The following CCDC180 variants were observed in gnomAD, a reference collection of about 807,000 sequenced individuals.
The protein encoded by CCDC180 is coiled-coil domain-containing protein 180.
Under a neutral mutation model 209.2 loss-of-function variants are expected in CCDC180, and 154 were observed. That is an observed-to-expected ratio of 0.74 (90% confidence interval 0.65 to 0.84). The LOEUF (loss-of-function observed/expected upper bound fraction) is 0.84, where lower values mean the gene tolerates loss of function less well. Among genes scored for constraint, CCDC180 ranks in the 40% least tolerant of loss-of-function variants. The probability of loss-of-function intolerance (pLI) is 0.00; values close to 1 mark genes in which losing one functional copy is unlikely to be tolerated. For synonymous variants in CCDC180, 778 were observed against 749.1 expected (o/e 1.04, Z -0.63); for missense variants, 1,874 against 1,997.3 (o/e 0.94, Z 1.18).
At chr9:97,361,461 C>T (rs1186517109) in intron 26 of CCDC180, among the ~76,000 whole-genome samples, 2 of 152,220 alleles carry the variant, frequency 1.3e-5, no homozygotes, top group Non-Finnish European at 2.9e-5. Context: ...CTCTTGGCCC[C>T]TGTGTTCCTA....
intron 16 of CCDC180, 128 bp downstream of exon 16, chr9:97,328,274 A>G: frequency 9.4e-7 from 1 of 1,061,224 alleles, no homozygotes; most frequent in East Asian, 2.6e-5. Flanking sequence ...CAATGCAAGA[A>G]GAAAGAAGCT....
At chr9:97,371,259 C>T (rs1047306430) in intron 33 of CCDC180, 4 of 180,850 alleles carry the variant, frequency 2.2e-5, no homozygotes, top group Admixed American at 5.7e-5. Context: ...CCACCGCGCC[C>T]GGCCTAACTT....
rs1329701172 is a variant in CCDC180 at position 97,354,938 on chromosome 9, C to T, written c.3194C>T (p.Ser1065Phe). The change falls in exon 24 of 37, where the codon TCT (serine) becomes TTT (phenylalanine). Residue 1065 changes from serine to phenylalanine, a missense_variant. Transcript: ENST00000529487. ...TTTGAAAGCAAATTCCATAACCTGT[C>T]TGTGGACCTTATTTTCATAGAGAAA... ...NKFESKFHNL[S>F]VDLIFIEKIQ... 3.1e-6 allele frequency: 5 copies of T among 1,614,186 alleles called. No homozygotes were observed.
At position 97,312,180 on chromosome 9, in the gene CCDC180, C is replaced by G. The variant is rs770803736; in HGVS notation, c.328C>G (p.Arg110Gly). ...SENTIAAREV[R>G]GLMDTIVPEK... Reference sequence around the variant, plus strand: ...GAACACCATCGCTGCCCGAGAAGTGCGGGGTCTCATGGATACTATAGGTGA... The same window carrying G: ...GAACACCATCGCTGCCCGAGAAGTGGGGGGTCTCATGGATACTATAGGTGA... The change falls in exon 4 of 37, where the codon CGG (arginine) becomes GGG (glycine). Residue 110 changes from arginine (R) to glycine (G), a missense_variant. Transcript: ENST00000529487. The G allele has an allele frequency of 6.2e-7, 1 of 1,613,840 alleles. No homozygotes were observed. Among genetic ancestry groups the G allele is most frequent in the Non-Finnish European group, 8.5e-7 (1 of 1,179,916 alleles).
Position 97,343,479 on chromosome 9 carries a change from C to A in CCDC180, c.2414C>A (p.Ala805Asp). The change falls in exon 19 of 37, where the codon GCC becomes GAC. Residue 805 changes from alanine (A) to aspartate (D), a missense_variant. By Grantham distance (126) the Ala-to-Asp change is moderately radical (BLOSUM62 -2). Transcript: ENST00000529487. Reference sequence around the variant, plus strand: ...AGGAAGTCCCATTCCACCTTCTCAGCCATGTTCATCAACGACACTTCCAGT... The same window carrying A: ...AGGAAGTCCCATTCCACCTTCTCAGACATGTTCATCAACGACACTTCCAGT... ...HCRKSHSTFS[A>D]MFINDTSSAK... 1 of 1,614,072 alleles carries A rather than the reference C, an allele frequency of 6.2e-7. No homozygotes were observed. Among genetic ancestry groups the A allele is most frequent in the Non-Finnish European group, 8.5e-7 (1 of 1,179,944 alleles).
Position 97,317,070 on chromosome 9 carries a change from G to T in CCDC180, c.801G>T (p.Met267Ile). ...YRLINEEAMV[M>I]NYALLGNRKA... is the part of the protein sequence containing the mutation. ...CTGCCCATCTGTGACCACAGGTCAT[G>T]AACTATGCCCTGCTGGGCAACCGGA... Residue 267 changes from methionine (M) to isoleucine (I), a missense_variant, in exon 9 of 37, where the codon ATG becomes ATT. Coordinates refer to ENST00000529487, the MANE Select transcript of CCDC180 (RefSeq NM_020893.6). 1.2e-6 allele frequency: 2 copies of T among 1,611,356 alleles called. No individual in the cohort carries two copies. Among genetic ancestry groups the T allele is most frequent in the South Asian group, 2.2e-5 (2 of 90,828 alleles).
intron 14 of CCDC180, among the ~76,000 whole-genome samples, 162 bp downstream of exon 14, chr9:97,325,354 C>A (rs141495062): frequency 6.6e-6 from 1 of 152,322 alleles, no homozygotes; most frequent in African/African-American, 2.4e-5. Context: ...CAGAAATCTC[C>A]TGGAACCAAA....
At position 97,350,034 on chromosome 9, in the gene CCDC180, G is replaced by A. The variant is rs566947877; in HGVS notation, c.2856-375G>A. Among the ~76,000 whole-genome samples the A allele has an allele frequency of 2.0e-5, 3 of 152,236 alleles. No homozygotes were observed. In the South Asian group the frequency reaches 6.2e-4, roughly 32 times the overall value. ...ACCCAGAATGTGTCCTGCAGACACTGGAATTTTGAACTTCCTTCTACTGCC... is the reference window on the plus strand; with the variant it reads ...ACCCAGAATGTGTCCTGCAGACACTAGAATTTTGAACTTCCTTCTACTGCC... On this transcript the variant is annotated intron_variant, in intron 21 of 36. Coordinates refer to ENST00000529487, the MANE Select transcript of CCDC180 (RefSeq NM_020893.6).
In CCDC180 at chr9:97,370,266, T is replaced by C. The variant is rs12235533; in HGVS notation, c.4350+184T>C. Among the ~76,000 whole-genome samples, 690 of 152,240 alleles carry C rather than the reference T, an allele frequency of 4.5e-3. 26 individuals carry two copies. The highest frequency in any genetic ancestry group is 0.042 in the Admixed American group (639 of 15,292). On this transcript the variant is annotated intron_variant, in intron 32 of 36. Transcript: ENST00000529487. ...AAGAACTGAGCCAACAGCTTCTACA[T>C]AGAAGGTGTTCAGTAAACTCCTTGT...
At chr9:97,344,985 A>G (rs1422202423) in intron 19 of CCDC180, among the ~76,000 whole-genome samples, 1 of 151,810 alleles carries the variant, frequency 6.6e-6, no homozygotes, top group African/African-American at 2.4e-5. Context: ...TACAGAACTC[A>G]CTCTTTTATT....
At chr9:97,343,314 C>G (rs760565929) in intron 18 of CCDC180, 26 bp from the exon 19 acceptor site, 17 of 1,456,664 alleles carry the variant, frequency 1.2e-5, no homozygotes, top group Non-Finnish European at 1.6e-5. Context: ...GATATCAAGT[C>G]AACTTTAGTG....
chr9:97,335,828 C>A (rs557881650), intron 18 of CCDC180, among the ~76,000 whole-genome samples: 1 of 152,332 alleles, frequency 6.6e-6, no homozygotes, highest in African/African-American at 2.4e-5. Context: ...CCCACATCCT[C>A]TCCAGCACCT....
chr9:97,350,423 G>A lies in CCDC180; in HGVS notation c.2870G>A (p.Ser957Asn). 3.3e-6 allele frequency: 5 copies of A among 1,535,578 alleles called. No individual in the cohort carries two copies. The South Asian group carries it at 6.0e-5, about 18-fold the overall frequency. Residue 957 changes from serine to asparagine, a missense_variant, in exon 22 of 37, where the codon AGC becomes AAC. Coordinates refer to ENST00000529487, the MANE Select transcript of CCDC180 (RefSeq NM_020893.6). ...GTCTCCCACAGGCTGGTCACTCTCAGCAACACACTGCACCAGGAGTTGCTT... is the reference window on the plus strand; with the variant it reads ...GTCTCCCACAGGCTGGTCACTCTCAACAACACACTGCACCAGGAGTTGCTT... ...ATRSQKLVTL[S>N]NTLHQELLSY...
intron 19 of CCDC180, among the ~76,000 whole-genome samples, chr9:97,346,706 A>T (rs1826270309): frequency 6.6e-6 from 1 of 152,158 alleles, no homozygotes; most frequent in Non-Finnish European, 1.5e-5. Flanking sequence ...TCCTGAGTAG[A>T]TGGGACCATA....
rs1352899251 is a variant in CCDC180, at chr9:97,347,360, T to C, written c.2545T>C (p.Cys849Arg). Residue 849 changes from cysteine to arginine, a missense_variant, in exon 20 of 37, where the codon TGT becomes CGT. Transcript: ENST00000529487. Reference sequence around the variant, plus strand: ...GCACCTTGAGAAGTGGTTTGACCAGTGTTCCCTCAACACCCGGGTCACCGT... The same window carrying C: ...GCACCTTGAGAAGTGGTTTGACCAGCGTTCCCTCAACACCCGGGTCACCGT... ...FEHLEKWFDQ[C>R]SLNTRVTVAT... The C allele has an allele frequency of 6.5e-7, 1 of 1,535,982 alleles. No homozygotes were observed. The highest frequency in any genetic ancestry group is 8.7e-7 in the Non-Finnish European group (1 of 1,146,932).
intron 25 of CCDC180, among the ~76,000 whole-genome samples, chr9:97,358,253 TG>T (rs1175024911): frequency 6.6e-6 from 1 of 151,726 alleles, no homozygotes; most frequent in Non-Finnish European, 1.5e-5. Flanking sequence ...CCCAAGTAGC[TG>T]GGACTACAGG....
In CCDC180 at chr9:97,309,423, G is replaced by C; in HGVS notation, c.79G>C (p.Val27Leu). 2 of 1,598,986 alleles carry C rather than the reference G, an allele frequency of 1.3e-6. No homozygotes were observed. The highest frequency in any genetic ancestry group is 2.3e-5 in the East Asian group (1 of 43,332). Residue 27 changes from valine to leucine, a missense_variant, in exon 3 of 37, where the codon GTC becomes CTC. By Grantham distance (32) the Val-to-Leu change is conservative (BLOSUM62 1). Transcript: ENST00000529487. ...TCCTCCCTGGATTCAGGTGCAGCTG[G>C]TCCACTCCCTGGCGGCCACCAGGAA... ...QQIFQAEVQL[V>L]HSLAATRKRA...
intron 25 of CCDC180, chr9:97,358,071 G>A (rs1243021034): frequency 5.1e-6 from 1 of 195,278 alleles, no homozygotes; most frequent in African/African-American, 2.3e-5. Flanking sequence ...GACAGAAGCA[G>A]GGCCCTGCCC....
Position 97,314,559 on chromosome 9 carries a change from G to T in CCDC180, c.588+38G>T, listed in dbSNP as rs537594941. The T allele has an allele frequency of 3.3e-5, 53 of 1,613,634 alleles. 2 individuals carry two copies. The South Asian group carries it at 5.6e-4, about 17-fold the overall frequency. ...TCGTGGCTGGGCCTGCCCCACCCAG[G>T]TCCTGCTTCTTCCCTGCCTCCCACC... On this transcript the variant is annotated intron_variant, in intron 6 of 36. Coordinates refer to ENST00000529487, the MANE Select transcript of CCDC180 (RefSeq NM_020893.6).
Sources: gnomAD v4.1 joint callset for allele counts (sites outside exome capture counted in the v4.1 genomes callset) on GRCh38, gnomAD v4.1.1 for gene constraint, MANE v1.5 for transcripts, NCBI Gene and HGNC (gene_info 2026-07-23, HGNC 2026-07-21) for gene names.